The following ZNF713 variants were observed in gnomAD, a reference collection of about 807,000 sequenced individuals.
ZNF713 encodes the protein zinc finger protein 713.
Under a neutral mutation model 28.7 loss-of-function variants are expected in ZNF713, and 21 were observed. That is an observed-to-expected ratio of 0.73 (90% CI 0.52 to 1.05). The LOEUF is 1.05. ZNF713 is among the 50% of genes least tolerant of loss of function. The probability of loss-of-function intolerance (pLI) is 0.00; values close to 1 mark genes in which losing one functional copy is unlikely to be tolerated. For missense variants in ZNF713, 458 were observed against 532.4 expected, an observed-to-expected ratio of 0.86 and a Z score of 1.37; for synonymous variants, 167 against 178.0, an observed-to-expected ratio of 0.94 and a Z score of 0.49.
chr7:55,931,013 C>T (rs1172331307), intron 6 of ZNF713, among the ~76,000 whole-genome samples: 1 of 152,138 alleles, frequency 6.6e-6, no homozygotes, highest in East Asian at 1.9e-4. Context: ...TGAGGCCTAG[C>T]GCAGTGGTGC....
intron 1 of ZNF713, among the ~76,000 whole-genome samples, chr7:55,895,717 C>T (rs1785461665): frequency 6.6e-6 from 1 of 152,130 alleles, no homozygotes; most frequent in Admixed American, 6.6e-5. Flanking sequence ...ATCTGCCCGC[C>T]TTGGCCTCCC....
intron 2 of ZNF713, among the ~76,000 whole-genome samples, chr7:55,907,738 A>T (rs1262970974): frequency 6.6e-6 from 1 of 152,022 alleles, no homozygotes; most frequent in Non-Finnish European, 1.5e-5. Context: ...GAGTTATTTC[A>T]CTTAGGATAA....
intron 4 of ZNF713, among the ~76,000 whole-genome samples, chr7:55,920,810 G>A (rs1785978272): frequency 6.6e-6 from 1 of 151,628 alleles, no homozygotes; most frequent in Non-Finnish European, 1.5e-5. Context: ...TAGTAGAGAC[G>A]GGGTTTCACC....
intron 1 of ZNF713, among the ~76,000 whole-genome samples, chr7:55,898,750 A>G (rs111244397): frequency 7.9e-5 from 12 of 152,360 alleles, no homozygotes; most frequent in African/African-American, 2.9e-4. Flanking sequence ...TTTAAGATGG[A>G]CAAATGTCCT....
At position 55,941,974 on chromosome 7, in the gene ZNF713, T is replaced by A. The variant is rs1426617518; in HGVS notation, c.*1968T>A. On this transcript the variant is annotated 3_prime_UTR_variant, in exon 7 of 7. Transcript: ENST00000429591. Reference sequence around the variant, plus strand: ...AGAAGTCTGCTTTTCTATTTTGTTTTAGCTTTAAATTTCCCTGTGGCAAGT... The same window carrying A: ...AGAAGTCTGCTTTTCTATTTTGTTTAAGCTTTAAATTTCCCTGTGGCAAGT... 1 of 152,252 alleles carries A rather than the reference T, an allele frequency of 6.6e-6. No homozygotes were observed. Among genetic ancestry groups the A allele is most frequent in the Non-Finnish European group, 1.5e-5 (1 of 68,050 alleles). 9.4% of individuals were successfully genotyped at this position (152,252 alleles called of 1,614,324 possible). A position where few individuals can be genotyped will look rare whatever the true frequency, so the allele number is the denominator to read the frequency against.
chr7:55,895,691 C>G (rs1464465670), intron 1 of ZNF713, among the ~76,000 whole-genome samples: 1 of 152,012 alleles, frequency 6.6e-6, no homozygotes, highest in Non-Finnish European at 1.5e-5. Context: ...TGGTCTCGAA[C>G]TCCCGACCTC....
At chr7:55,922,470 G>A (rs1222621565) in intron 4 of ZNF713, among the ~76,000 whole-genome samples, 24 of 151,764 alleles carry the variant, frequency 1.6e-4, no homozygotes, top group Non-Finnish European at 1.0e-4. Flanking sequence ...CCTGGGAAGC[G>A]GAGGTTGCAG....
chr7:55,913,014 G>C (rs1435109131), intron 4 of ZNF713, among the ~76,000 whole-genome samples: 1 of 152,086 alleles, frequency 6.6e-6, no homozygotes, highest in East Asian at 1.9e-4. Flanking sequence ...AAATAGCTCA[G>C]TAAAATTTAA....
At chr7:55,933,242 T>TAAC (rs1425419440) in intron 6 of ZNF713, among the ~76,000 whole-genome samples, 2 of 151,658 alleles carry the variant, frequency 1.3e-5, no homozygotes, top group African/African-American at 4.8e-5. Flanking sequence ...GCCTCAAAAA[T>TAAC]AATAATAATA....
intron 4 of ZNF713, among the ~76,000 whole-genome samples, chr7:55,913,195 C>CTTTTTTTTTTTTTTTTTTTTTTTTT (rs66851959): frequency 1.1e-5 from 1 of 88,140 alleles, no homozygotes; most frequent in Non-Finnish European, 2.0e-5. Flanking sequence ...GTTTTGATTC[C>CTTTTTTTTTTTTTTTTTTTTTTTTT]TTTTTTTTTT....
chr7:55,907,432 G>A (rs1443604113), intron 2 of ZNF713, among the ~76,000 whole-genome samples: 3 of 152,120 alleles, frequency 2.0e-5, no homozygotes, highest in South Asian at 2.1e-4. Context: ...AAGTTAGTTC[G>A]TTCATGTTTC....
chr7:55,896,612 TACAC>T (rs927118717), intron 1 of ZNF713, among the ~76,000 whole-genome samples: 2 of 151,030 alleles, frequency 1.3e-5, no homozygotes, highest in African/African-American at 4.9e-5. Context: ...TATATATATA[TACAC>T]ACACATAAAC....
chr7:55,941,598 A>T lies in ZNF713; in HGVS notation c.*1592A>T, dbSNP rs1454761242. ...CTTTACAGTTTTTACCATATCTAGT[A>T]TTTACTTAATATTCTTTATAAAGGG... On this transcript the variant is annotated 3_prime_UTR_variant, in exon 7 of 7. Transcript: ENST00000429591. The T allele has an allele frequency of 6.6e-6, 1 of 152,104 alleles. No homozygotes were observed. Among genetic ancestry groups the T allele is most frequent in the African/African-American group, 2.4e-5 (1 of 41,426 alleles). The allele number at this position is 152,104 out of a possible 1,614,324, so 9.4% of individuals were successfully genotyped here.
intron 2 of ZNF713, among the ~76,000 whole-genome samples, chr7:55,908,620 C>T (rs77362014): frequency 0.025 from 3,749 of 150,538 alleles, 151 homozygotes; most frequent in African/African-American, 0.082. Context: ...TTGTTGAGTT[C>T]CTTGTAGATT....
chr7:55,940,689 T>G lies in ZNF713; in HGVS notation c.*683T>G. ...ATGGGAGGTGGAGGTTGCTGTGAGC[T>G]GAGATCATGCCACTGTACTCCAGCC... On this transcript the variant is annotated 3_prime_UTR_variant, in exon 7 of 7. Transcript: ENST00000429591. The G allele has an allele frequency of 2.7e-6, 1 of 363,954 alleles. No individual in the cohort carries two copies. Among genetic ancestry groups the G allele is most frequent in the Non-Finnish European group, 3.7e-6 (1 of 266,914 alleles). 22.5% of individuals were successfully genotyped at this position (363,954 alleles called of 1,614,324 possible). A position where few individuals can be genotyped will look rare whatever the true frequency, so the allele number is the denominator to read the frequency against.
intron 1 of ZNF713, among the ~76,000 whole-genome samples, chr7:55,904,725 G>C (rs919522636): frequency 6.6e-6 from 1 of 151,910 alleles, no homozygotes; most frequent in African/African-American, 2.4e-5. Flanking sequence ...ATGTTGGAGA[G>C]ACATTAAATT....
chr7:55,908,857 G>A (rs1347327585), intron 2 of ZNF713, among the ~76,000 whole-genome samples: 1 of 151,990 alleles, frequency 6.6e-6, no homozygotes, highest in Non-Finnish European at 1.5e-5. Flanking sequence ...ATAGTTTCAG[G>A]TCTTATGCTT....
At position 55,939,553 on chromosome 7, in the gene ZNF713, A is replaced by G. The variant is rs1242737218; in HGVS notation, c.879A>G (p.Lys293=). 1 of 1,613,782 alleles carries G rather than the reference A, an allele frequency of 6.2e-7. No individual in the cohort carries two copies. The highest frequency in any genetic ancestry group is 1.7e-5 in the Admixed American group (1 of 59,892). ...EKPYKCDECG[K]RFSQRIHLIQ... is the part of the protein sequence containing the mutation. ...CCTATAAGTGTGATGAATGTGGAAA[A>G]AGATTCAGCCAGAGGATACATCTCA... Residue 293 remains lysine (K), a synonymous_variant, in exon 7 of 7, where the codon AAA becomes AAG. Coordinates refer to ENST00000429591, the MANE Select transcript of ZNF713 (RefSeq NM_182633.3).
At chr7:55,891,234 C>T (rs1220282682) in intron 1 of ZNF713, among the ~76,000 whole-genome samples, 1 of 152,104 alleles carries the variant, frequency 6.6e-6, no homozygotes, top group Non-Finnish European at 1.5e-5. Context: ...AATTAAAGCT[C>T]AGTCTAAATA....
Sources: gnomAD v4.1 joint callset for allele counts (sites outside exome capture counted in the v4.1 genomes callset) on GRCh38, gnomAD v4.1.1 for gene constraint, MANE v1.5 for transcripts, NCBI Gene and HGNC (gene_info 2026-07-23, HGNC 2026-07-21) for gene names.